The following RALYL variants were observed in gnomAD, a reference collection of about 807,000 sequenced individuals.
RALYL encodes RNA-binding Raly-like protein.
A neutral mutation model predicts 35.1 loss-of-function variants in RALYL; 29 were observed. The ratio of observed to expected loss-of-function variants is 0.83; its 90% CI spans 0.61 to 1.13. The LOEUF (loss-of-function observed/expected upper bound fraction) is 1.13, where lower values mean the gene tolerates loss of function less well. RALYL is among the 50% of genes most tolerant of loss of function. The pLI is 0.00. For synonymous variants in RALYL, 120 were observed against 127.6 expected, an observed-to-expected ratio of 0.94 and a Z score of 0.40; for missense variants, 359 against 360.4, an observed-to-expected ratio of 1.00 and a Z score of 0.03.
At chr8:84,449,460 T>C (rs2049217186) in intron 1 of RALYL, among the ~76,000 whole-genome samples, 1 of 151,988 alleles carries the variant, frequency 6.6e-6, no homozygotes, top group African/African-American at 2.4e-5. Flanking sequence ...ACCTTAAGTG[T>C]CCCTGTATGT....
intron 2 of RALYL, among the ~76,000 whole-genome samples, chr8:84,674,395 A>T (rs1833812838): frequency 2.0e-5 from 3 of 152,148 alleles, no homozygotes; most frequent in Admixed American, 6.6e-5. Flanking sequence ...CCCTGGCCAG[A>T]ACTTCCAATA....
chr8:84,296,248 T>A (rs1047435118), intron 1 of RALYL, among the ~76,000 whole-genome samples: 3 of 152,140 alleles, frequency 2.0e-5, no homozygotes, highest in Non-Finnish European at 2.9e-5. Flanking sequence ...AAGCCATAAC[T>A]TGGCATCTGC....
intron 2 of RALYL, among the ~76,000 whole-genome samples, chr8:84,665,029 A>AGG (rs1831709190): frequency 6.6e-6 from 1 of 152,110 alleles, no homozygotes; most frequent in South Asian, 2.1e-4. Context: ...AGAGTTTTTA[A>AGG]CATGAAGGGA....
chr8:84,501,645 A>T (rs1208255650), intron 1 of RALYL, among the ~76,000 whole-genome samples: 1 of 151,914 alleles, frequency 6.6e-6, no homozygotes, highest in South Asian at 2.1e-4. Flanking sequence ...CAAGAAATTT[A>T]GATTATATCG....
chr8:84,708,473 C>T (rs945532427), intron 2 of RALYL, among the ~76,000 whole-genome samples: 4 of 152,046 alleles, frequency 2.6e-5, no homozygotes, highest in African/African-American at 9.7e-5. Context: ...TAAATACTTT[C>T]AACTGTATAC....
rs921560787 is a variant in RALYL, at chr8:84,769,709, C to CAT, written c.257-4869_257-4868dup. Among the ~76,000 whole-genome samples, 223 of 152,094 alleles carry CAT rather than the reference C, an allele frequency of 1.5e-3. 1 individual carries two copies. The highest frequency in any genetic ancestry group is 5.1e-3 in the African/African-American group (211 of 41,498). On this transcript the variant is annotated intron_variant, in intron 2 of 8. Coordinates refer to ENST00000521268, the MANE Select transcript of RALYL (RefSeq NM_173848.7). ...CCAGGAGGCAGAAGTTGCAGTGAGCCATGGGCGACAGAGTGAGACTCTGTC... is the reference window on the plus strand; with the variant it reads ...CCAGGAGGCAGAAGTTGCAGTGAGCCATATGGGCGACAGAGTGAGACTCTGTC...
At chr8:84,241,889 CA>C (rs763091398) in intron 1 of RALYL, among the ~76,000 whole-genome samples, 88 of 151,676 alleles carry the variant, frequency 5.8e-4, no homozygotes, top group Non-Finnish European at 8.5e-4. Context: ...GCAGGATATG[CA>C]AGTGTGTTAC....
chr8:84,604,005 G>A (rs1816562219), intron 2 of RALYL, among the ~76,000 whole-genome samples: 1 of 151,974 alleles, frequency 6.6e-6, no homozygotes, highest in Admixed American at 6.6e-5. Context: ...AGCAGAGCCT[G>A]GAGCTCAAAA....
chr8:84,216,879 A>G (rs557093401), intron 1 of RALYL, among the ~76,000 whole-genome samples: 2 of 152,288 alleles, frequency 1.3e-5, no homozygotes, highest in East Asian at 1.9e-4. Context: ...TTGTGCTGAC[A>G]TCATTTCCCT....
chr8:84,618,980 C>A (rs1470854333), intron 2 of RALYL, among the ~76,000 whole-genome samples: 3 of 143,636 alleles, frequency 2.1e-5, no homozygotes, highest in Non-Finnish European at 4.5e-5. Context: ...AATTTGTGTT[C>A]TTTTACATTT....
intron 1 of RALYL, among the ~76,000 whole-genome samples, chr8:84,295,030 C>T (rs965581188): frequency 6.6e-6 from 1 of 152,116 alleles, no homozygotes; most frequent in African/African-American, 2.4e-5. Flanking sequence ...TATGATCTCT[C>T]ACTCCCCAGA....
intron 3 of RALYL, among the ~76,000 whole-genome samples, chr8:84,795,361 T>G (rs1375910534): frequency 6.6e-6 from 1 of 152,210 alleles, no homozygotes; most frequent in Non-Finnish European, 1.5e-5. Flanking sequence ...TCTAAGAGCC[T>G]GAGAAAGTTT....
At chr8:84,682,387 A>G (rs1051614242) in intron 2 of RALYL, among the ~76,000 whole-genome samples, 2 of 152,112 alleles carry the variant, frequency 1.3e-5, no homozygotes, top group East Asian at 1.9e-4. Flanking sequence ...TTCTTTTTCT[A>G]TTGATTGGAA....
intron 3 of RALYL, among the ~76,000 whole-genome samples, chr8:84,778,689 G>T (rs1186268330): frequency 6.6e-6 from 1 of 152,202 alleles, no homozygotes; most frequent in Admixed American, 6.5e-5. Flanking sequence ...GGGGCATTAT[G>T]GTGCCCAGGC....
intron 4 of RALYL, among the ~76,000 whole-genome samples, chr8:84,815,400 T>C (rs965457461): frequency 2.7e-5 from 4 of 148,094 alleles, no homozygotes; most frequent in African/African-American, 9.8e-5. Flanking sequence ...TAAGTATTTA[T>C]ATATTTACTA....
intron 1 of RALYL, among the ~76,000 whole-genome samples, chr8:84,219,279 T>C (rs73297876): frequency 0.037 from 5,620 of 152,102 alleles, 376 homozygotes; most frequent in African/African-American, 0.13. Context: ...CTGATGGTTT[T>C]ATAAATGTTC....
At chr8:84,526,669 C>T (rs1472298339) in intron 1 of RALYL, among the ~76,000 whole-genome samples, 1 of 152,170 alleles carries the variant, frequency 6.6e-6, no homozygotes, top group Non-Finnish European at 1.5e-5. Flanking sequence ...CTCAAGAAAC[C>T]TGTCACACAA....
chr8:84,914,605 A>G (rs1848136363), intron 8 of RALYL, among the ~76,000 whole-genome samples: 1 of 152,056 alleles, frequency 6.6e-6, no homozygotes, highest in Non-Finnish European at 1.5e-5. Flanking sequence ...ACACATTTTA[A>G]ATAAAATTAT....
intron 1 of RALYL, among the ~76,000 whole-genome samples, chr8:84,384,468 G>GC (rs941153909): frequency 3.2e-4 from 49 of 151,774 alleles, no homozygotes; most frequent in African/African-American, 1.2e-3. Context: ...TTTCATGAAA[G>GC]CATAATATTA....
Sources: gnomAD v4.1 joint callset for allele counts (sites outside exome capture counted in the v4.1 genomes callset) on GRCh38, gnomAD v4.1.1 for gene constraint, MANE v1.5 for transcripts, NCBI Gene and HGNC (gene_info 2026-07-23, HGNC 2026-07-21) for gene names.